FRY: variants seen among roughly 807,000 people sequenced by gnomAD.
FRY encodes protein furry homolog.
A neutral mutation model predicts 348.4 loss-of-function variants in FRY; 128 were observed. The ratio of observed to expected loss-of-function variants is 0.37; its 90% CI spans 0.32 to 0.43. FRY has a LOEUF of 0.43. FRY is among the 20% of genes least tolerant of loss of function. The pLI, the probability that FRY is intolerant of heterozygous loss-of-function variation, is 1.00. For synonymous variants in FRY, 1,370 were observed against 1,374.7 expected (o/e 1.00, Z 0.08); for missense variants, 2,736 against 3,695.2 (o/e 0.74, Z 6.73).
chr13:32,110,847 C>A (rs1877906302), intron 3 of FRY, among the ~76,000 whole-genome samples: 2 of 152,172 alleles, frequency 1.3e-5, no homozygotes, highest in Admixed American at 1.3e-4. Context: ...TTTCTCTTTG[C>A]ATAATAAAGT....
intron 8 of FRY, among the ~76,000 whole-genome samples, chr13:32,133,576 A>G (rs1467167571): frequency 6.6e-6 from 1 of 152,156 alleles, no homozygotes; most frequent in Non-Finnish European, 1.5e-5. Flanking sequence ...AAGCTGTTTC[A>G]GTGACTTCCC....
Position 32,267,353 on chromosome 13 carries a change from G to A in FRY, c.8130G>A (p.Leu2710=). ...AVYTFHVFSS[L]FKNIQKRFCF... Reference sequence around the variant, plus strand: ...ATACATTTCATGTGTTCTCCTCCTTGTTTAAGGTATGTGTGCTCACTGAAA... The same window carrying A: ...ATACATTTCATGTGTTCTCCTCCTTATTTAAGGTATGTGTGCTCACTGAAA... Residue 2710 remains leucine, a synonymous_variant, in exon 55 of 61, where the codon TTG becomes TTA. Coordinates refer to ENST00000542859, the MANE Select transcript of FRY (RefSeq NM_023037.3). 1 of 1,613,834 alleles carries A rather than the reference G, an allele frequency of 6.2e-7. No homozygotes were observed. Among genetic ancestry groups the A allele is most frequent in the East Asian group, 2.2e-5 (1 of 44,880 alleles).
chr13:32,244,262 C>T, intron 47 of FRY, 80 bp downstream of exon 47: 2 of 1,295,578 alleles, frequency 1.5e-6, no homozygotes, highest in East Asian at 2.4e-5. Flanking sequence ...GCTACAAAAC[C>T]ATCTGGGTGC....
intron 11 of FRY, among the ~76,000 whole-genome samples, chr13:32,137,316 T>C (rs144785191): frequency 6.6e-6 from 1 of 152,344 alleles, no homozygotes; most frequent in Non-Finnish European, 1.5e-5. Flanking sequence ...TAGAAGCATG[T>C]GAATTGATCT....
chr13:32,203,435 C>G (rs1400916253), intron 31 of FRY, among the ~76,000 whole-genome samples: 2 of 152,120 alleles, frequency 1.3e-5, no homozygotes, highest in Non-Finnish European at 2.9e-5. Context: ...TAAAGAATTG[C>G]ATTTGTCAGG....
rs549064053 is a variant in FRY at position 32,233,698 on chromosome 13, A to G, written c.5528-876A>G. Among the ~76,000 whole-genome samples, 5 of 152,364 alleles carry G rather than the reference A, an allele frequency of 3.3e-5. 1 individual carries two copies. Among genetic ancestry groups the G allele is most frequent in the African/African-American group, 9.6e-5 (4 of 41,590 alleles). On this transcript the variant is annotated intron_variant, in intron 41 of 60. Transcript: ENST00000542859. ...AACAAACTTACAAAAAAAGGAGAGT[A>G]TTCTATGTAAAAAAAGTAGTACAGA... is the stretch of plus-strand genomic sequence containing the variant.
chr13:32,088,117 G>T (rs903555939), intron 2 of FRY, among the ~76,000 whole-genome samples: 1 of 152,186 alleles, frequency 6.6e-6, no homozygotes, highest in Non-Finnish European at 1.5e-5. Context: ...TTTCTGCACT[G>T]TGGATTCCAG....
intron 31 of FRY, among the ~76,000 whole-genome samples, chr13:32,207,785 C>T (rs1168477622): frequency 6.6e-6 from 1 of 152,078 alleles, no homozygotes; most frequent in Non-Finnish European, 1.5e-5. Context: ...CAGAAGATCC[C>T]GTGGATTATC....
intron 36 of FRY, among the ~76,000 whole-genome samples, chr13:32,221,501 C>T (rs946533912): frequency 5.9e-4 from 90 of 152,102 alleles, no homozygotes; most frequent in Admixed American, 3.9e-4. Flanking sequence ...TGTTGCTGTA[C>T]TTATTTTATT....
chr13:32,220,346 T>C (rs1275875098), intron 36 of FRY, among the ~76,000 whole-genome samples: 1 of 152,222 alleles, frequency 6.6e-6, no homozygotes, highest in Non-Finnish European at 1.5e-5. Context: ...CTAGAATCCA[T>C]ATGTAATTAT....
chr13:32,213,406 A>G (rs543481745), intron 35 of FRY, among the ~76,000 whole-genome samples: 3 of 152,352 alleles, frequency 2.0e-5, no homozygotes, highest in East Asian at 1.9e-4. Flanking sequence ...ATGCTCATCC[A>G]TACGGGCTTC....
At position 32,239,204 on chromosome 13, in the gene FRY, TA is replaced by T; in HGVS notation, c.6419-44del. 8.4e-7 allele frequency: 1 copy of T among 1,191,864 alleles called. No individual in the cohort carries two copies. The highest frequency in any genetic ancestry group is 1.3e-6 in the Non-Finnish European group (1 of 796,342). 73.8% of individuals were successfully genotyped at this position (1,191,864 alleles called of 1,614,324 possible). ...AACATGCCTTCCCACTGTTAACAGC[TA>T]AAATATACCATATTCAGCTATCTCC... On this transcript the variant is annotated intron_variant, in intron 44 of 60. Coordinates refer to ENST00000542859, the MANE Select transcript of FRY (RefSeq NM_023037.3). The surrounding 1 kb of genome is among the most constrained non-coding windows in gnomAD (Gnocchi z 4.3).
Position 32,297,040 on chromosome 13 carries a change from A to T in FRY, c.*1580A>T, listed in dbSNP as rs1050756792. 2 of 152,250 alleles carry T rather than the reference A, an allele frequency of 1.3e-5. No homozygotes were observed. The highest frequency in any genetic ancestry group is 4.8e-5 in the African/African-American group (2 of 41,474). The allele number at this position is 152,250 out of a possible 1,614,324, so 9.4% of individuals were successfully genotyped here. On this transcript the variant is annotated 3_prime_UTR_variant, in exon 61 of 61. Transcript: ENST00000542859. ...CCAGGAACACAGGGAGAAACATGTA[A>T]CAATCTCATTTATGCCGTCTTTCTA... is the stretch of plus-strand genomic sequence containing the variant.
At chr13:32,172,317 G>T (rs537024505) in intron 18 of FRY, among the ~76,000 whole-genome samples, 1 of 152,054 alleles carries the variant, frequency 6.6e-6, no homozygotes, top group South Asian at 2.1e-4. Flanking sequence ...GTGGATGTGG[G>T]TTTAGGTGCA....
chr13:32,292,877 A>G (rs1440794383), intron 59 of FRY, among the ~76,000 whole-genome samples: 5 of 152,126 alleles, frequency 3.3e-5, no homozygotes, highest in Admixed American at 6.6e-5. Context: ...AATCACCCCA[A>G]CCTTCAGCCA....
chr13:32,124,062 T>C (rs1878868801), intron 4 of FRY, among the ~76,000 whole-genome samples: 1 of 152,142 alleles, frequency 6.6e-6, no homozygotes, highest in South Asian at 2.1e-4. Flanking sequence ...GTTCTCAAAC[T>C]CCTGACCTCA....
chr13:32,184,096 T>C (rs1882879867), intron 24 of FRY, among the ~76,000 whole-genome samples: 1 of 151,894 alleles, frequency 6.6e-6, no homozygotes, highest in Non-Finnish European at 1.5e-5. Flanking sequence ...GAAGAATCAC[T>C]TGAGCCCAGG....
intron 55 of FRY, among the ~76,000 whole-genome samples, chr13:32,270,209 CTTT>C (rs754618805): frequency 2.1e-5 from 3 of 140,714 alleles, no homozygotes; most frequent in Non-Finnish European, 1.6e-5. Context: ...TTTCTAAAAG[CTTT>C]TTTTTTTTTT....
In FRY at chr13:32,295,727, G is replaced by A. The variant is rs56084662; in HGVS notation, c.*267G>A. ...ACATTTGACCGAGCATATGCAACTC[G>A]CTACTGAAGAAGTGACTTCCGTTGC... On this transcript the variant is annotated 3_prime_UTR_variant, in exon 61 of 61. Transcript: ENST00000542859. The A allele has an allele frequency of 3.9e-3, 2,105 of 545,106 alleles. 10 individuals carry two copies. Among genetic ancestry groups the A allele is most frequent in the Non-Finnish European group, 5.7e-3 (1,741 of 302,956 alleles). 33.8% of individuals were successfully genotyped at this position (545,106 alleles called of 1,614,324 possible).
Sources: allele counts gnomAD v4.1 joint callset (sites outside exome capture counted in the v4.1 genomes callset), GRCh38; gene constraint gnomAD v4.1.1; non-coding constraint Gnocchi (gnomAD v3.1); transcripts MANE v1.5; gene names NCBI Gene and HGNC (gene_info 2026-07-23, HGNC 2026-07-21).